EPB41L4A: variants seen among roughly 807,000 people sequenced by gnomAD.
EPB41L4A encodes band 4.1-like protein 4A.
In EPB41L4A, 100 loss-of-function variants were observed where a neutral mutation model predicts 108.6. The ratio of observed to expected loss-of-function variants is 0.92; its 90% CI spans 0.78 to 1.09. The LOEUF (loss-of-function observed/expected upper bound fraction) is 1.09. EPB41L4A is among the 50% of genes least tolerant of loss of function. EPB41L4A has a pLI of 0.00. For synonymous variants in EPB41L4A, 319 were observed against 289.0 expected (o/e 1.10, Z -1.05); for missense variants, 1,030 against 842.7 (o/e 1.22, Z -2.75).
intron 11 of EPB41L4A, among the ~76,000 whole-genome samples, chr5:112,237,626 C>A (rs1749444521): frequency 6.6e-6 from 1 of 152,162 alleles, no homozygotes; most frequent in Non-Finnish European, 1.5e-5. Context: ...GAATGTGTTT[C>A]CAGAGCTCTG....
At chr5:112,186,949 T>C (rs935986624) in intron 17 of EPB41L4A, among the ~76,000 whole-genome samples, 2 of 152,234 alleles carry the variant, frequency 1.3e-5, no homozygotes, top group African/African-American at 2.4e-5. Context: ...GAAAAAGATA[T>C]GTTTACTGTG....
chr5:112,325,627 G>A (rs1756101786), intron 1 of EPB41L4A, among the ~76,000 whole-genome samples: 1 of 152,140 alleles, frequency 6.6e-6, no homozygotes, highest in Non-Finnish European at 1.5e-5. Context: ...TTTCAAAAAT[G>A]TCTTAAGAAA....
chr5:112,343,033 T>A (rs1757415000), intron 1 of EPB41L4A, among the ~76,000 whole-genome samples: 1 of 152,148 alleles, frequency 6.6e-6, no homozygotes, highest in African/African-American at 2.4e-5. Flanking sequence ...TAGAAATAGA[T>A]CCCATTTGGA....
intron 1 of EPB41L4A, among the ~76,000 whole-genome samples, chr5:112,332,968 T>C (rs1259542253): frequency 6.6e-6 from 1 of 152,142 alleles, no homozygotes; most frequent in Non-Finnish European, 1.5e-5. Flanking sequence ...ACACACAGCA[T>C]GTGGTATGGA....
At chr5:112,281,941 T>G (rs1284384438) in intron 2 of EPB41L4A, among the ~76,000 whole-genome samples, 1 of 152,192 alleles carries the variant, frequency 6.6e-6, no homozygotes, top group Non-Finnish European at 1.5e-5. Flanking sequence ...GTTTCCATTT[T>G]TTGACTTTTT....
chr5:112,177,888 A>G (rs1315399849), intron 18 of EPB41L4A, among the ~76,000 whole-genome samples: 1 of 152,102 alleles, frequency 6.6e-6, no homozygotes, highest in East Asian at 1.9e-4. Context: ...CACAAAATAA[A>G]GTAGGAAGGG....
At chr5:112,404,594 G>A (rs1195153608) in intron 1 of EPB41L4A, among the ~76,000 whole-genome samples, 1 of 152,336 alleles carries the variant, frequency 6.6e-6, no homozygotes, top group East Asian at 1.9e-4. Context: ...GGAGCTGGAA[G>A]CAGAATCCAG....
chr5:112,331,636 T>C (rs560993604), intron 1 of EPB41L4A, among the ~76,000 whole-genome samples: 28 of 152,308 alleles, frequency 1.8e-4, no homozygotes, highest in South Asian at 6.2e-4. Flanking sequence ...CTGGGTACTA[T>C]TGCTGCACCC....
At chr5:112,341,318 C>G (rs1246682087) in intron 1 of EPB41L4A, among the ~76,000 whole-genome samples, 1 of 152,194 alleles carries the variant, frequency 6.6e-6, no homozygotes, top group African/African-American at 2.4e-5. Context: ...CTTCCTAAAA[C>G]TGATACAAAT....
intron 4 of EPB41L4A, among the ~76,000 whole-genome samples, chr5:112,272,824 C>T (rs1395025693): frequency 6.8e-6 from 1 of 146,674 alleles, no homozygotes; most frequent in African/African-American, 2.5e-5. Context: ...GCGAAAGAGG[C>T]CATACAATAT....
intron 12 of EPB41L4A, among the ~76,000 whole-genome samples, chr5:112,211,172 A>G (rs1425377766): frequency 1.3e-5 from 2 of 152,146 alleles, no homozygotes; most frequent in Non-Finnish European, 2.9e-5. Flanking sequence ...AGCTTTGAAG[A>G]TGGGCAGTCT....
intron 1 of EPB41L4A, among the ~76,000 whole-genome samples, chr5:112,357,097 G>C (rs867306404): frequency 1.3e-5 from 2 of 152,052 alleles, no homozygotes; most frequent in Non-Finnish European, 2.9e-5. Flanking sequence ...TACCCCACTC[G>C]GTCTTGTGAT....
chr5:112,388,317 C>T (rs138217323), intron 1 of EPB41L4A, among the ~76,000 whole-genome samples: 16 of 152,232 alleles, frequency 1.1e-4, no homozygotes, highest in Admixed American at 7.8e-4. Flanking sequence ...AAAGGAAGTG[C>T]GGTGAGGCAA....
chr5:112,262,536 G>C lies in EPB41L4A; in HGVS notation c.600C>G (p.Ala200=). The C allele has an allele frequency of 1.9e-6, 3 of 1,614,042 alleles. No individual in the cohort carries two copies. The highest frequency in any genetic ancestry group is 2.2e-5 in the South Asian group (2 of 91,074). Residue 200 remains alanine, a synonymous_variant, in exon 7 of 23, where the codon GCC becomes GCG. Transcript: ENST00000261486. ...SEAELNYLRT[A]KSLEMYGVDL... ...CAACGCCATACATCTCCAGGGATTT[G>C]GCAGTCCTCAAGTAATTCAGCTCAG...
intron 1 of EPB41L4A, among the ~76,000 whole-genome samples, chr5:112,337,914 C>G (rs1757028967): frequency 1.3e-5 from 2 of 152,104 alleles, no homozygotes; most frequent in African/African-American, 4.8e-5. Context: ...ACAGCAGAAA[C>G]AAAGGTACCA....
chr5:112,400,063 T>G (rs1303358777), intron 1 of EPB41L4A, among the ~76,000 whole-genome samples: 1 of 152,276 alleles, frequency 6.6e-6, no homozygotes, highest in East Asian at 1.9e-4. Context: ...GGGTAACTTA[T>G]GAAAGAAAGA....
intron 1 of EPB41L4A, among the ~76,000 whole-genome samples, chr5:112,351,059 G>GA (rs1758010887): frequency 6.6e-6 from 1 of 152,020 alleles, no homozygotes; most frequent in African/African-American, 2.4e-5. Flanking sequence ...CCAAGGAAGA[G>GA]AAAAATCTCC....
At chr5:112,249,047 T>C (rs1034192744) in intron 9 of EPB41L4A, 1 of 152,134 alleles carries the variant, frequency 6.6e-6, no homozygotes, top group African/African-American at 2.4e-5. Flanking sequence ...TAACCCAAGA[T>C]ACACAGTGTA....
At chr5:112,347,347 C>T (rs974362488) in intron 1 of EPB41L4A, among the ~76,000 whole-genome samples, 1 of 152,186 alleles carries the variant, frequency 6.6e-6, no homozygotes, top group South Asian at 2.1e-4. Flanking sequence ...AAGGAAAATG[C>T]AGTAGAATTA....
Sources: allele counts gnomAD v4.1 joint callset (sites outside exome capture counted in the v4.1 genomes callset), GRCh38; gene constraint gnomAD v4.1.1; transcripts MANE v1.5; gene names NCBI Gene and HGNC (gene_info 2026-07-23, HGNC 2026-07-21).